Variants in DNAI4 observed in about 807,000 individuals in gnomAD.
DNAI4 encodes dynein axonemal intermediate chain 4.
Under a neutral mutation model 105.8 loss-of-function variants are expected in DNAI4, and 85 were observed. That is an observed-to-expected ratio of 0.80 (90% CI 0.67 to 0.96). The LOEUF is 0.96. Ranked by LOEUF, DNAI4 falls within the 40% of genes least tolerant of loss-of-function variation. The pLI is 0.00. For missense variants in DNAI4, 1,014 were observed against 1,005.6 expected, an observed-to-expected ratio of 1.01 and a Z score of -0.11; for synonymous variants, 352 against 331.5, an observed-to-expected ratio of 1.06 and a Z score of -0.67.
In DNAI4 at chr1:66,891,277, G is replaced by A. The variant is rs764653952; in HGVS notation, c.531-11C>T. On this transcript the variant is annotated splice_polypyrimidine_tract_variant and intron_variant, in intron 3 of 16. Coordinates refer to ENST00000371026, the MANE Select transcript of DNAI4 (RefSeq NM_024763.5). ...CTTCCTAAAACTGACCTTTAATAAT[G>A]AATAACAAAATTACTCATTTATTTA... The A allele has an allele frequency of 3.8e-6, 6 of 1,583,150 alleles. No homozygotes were observed. In the Admixed American group the frequency reaches 6.7e-5, roughly 18 times the overall value.
At chr1:66,894,795 G>T (rs555236323) in intron 2 of DNAI4, among the ~76,000 whole-genome samples, 30 of 152,144 alleles carry the variant, frequency 2.0e-4, no homozygotes, top group African/African-American at 6.3e-4. Flanking sequence ...TCTCTAATTT[G>T]CTAATATTAT....
At chr1:66,875,143 C>A (rs1306407617) in intron 4 of DNAI4, among the ~76,000 whole-genome samples, 2 of 152,132 alleles carry the variant, frequency 1.3e-5, no homozygotes, top group Admixed American at 1.3e-4. Flanking sequence ...TTCTTGCTGA[C>A]ATAACAAGCC....
chr1:66,821,475 C>T (rs1256950922), intron 16 of DNAI4, among the ~76,000 whole-genome samples: 1 of 152,166 alleles, frequency 6.6e-6, no homozygotes, highest in Non-Finnish European at 1.5e-5. Context: ...TCTATTCCAA[C>T]CACCAGTATG....
chr1:66,848,259 A>G (rs1418616254), intron 7 of DNAI4: 12 of 456,010 alleles, frequency 2.6e-5, no homozygotes, highest in South Asian at 6.2e-5. Context: ...AGCAACATTG[A>G]TTGCATTCCC....
chr1:66,862,418 C>G (rs1646647222), intron 6 of DNAI4, 116 bp from the exon 7 acceptor site: 2 of 1,132,320 alleles, frequency 1.8e-6, no homozygotes, highest in South Asian at 3.1e-5. Flanking sequence ...TTGCCTGATG[C>G]AGTTGCCCGT....
At chr1:66,842,553 G>T (rs1015548808) in intron 8 of DNAI4, among the ~76,000 whole-genome samples, 2 of 151,928 alleles carry the variant, frequency 1.3e-5, no homozygotes, top group Admixed American at 1.3e-4. Flanking sequence ...ACCATACTCG[G>T]CTAAATTTTT....
intron 16 of DNAI4, among the ~76,000 whole-genome samples, chr1:66,821,332 C>T (rs894378042): frequency 2.0e-5 from 3 of 152,042 alleles, no homozygotes; most frequent in Non-Finnish European, 4.4e-5. Context: ...CTCCTGACCT[C>T]AAGTGATGCA....
At chr1:66,814,646 G>A (rs1645479961) in intron 16 of DNAI4, among the ~76,000 whole-genome samples, 1 of 152,202 alleles carries the variant, frequency 6.6e-6, no homozygotes, top group Non-Finnish European at 1.5e-5. Flanking sequence ...GGGATTACAT[G>A]CGTGAGCCAC....
At chr1:66,835,550 CAAAACTA>C in intron 11 of DNAI4, 69 bp downstream of exon 11, 1 of 1,460,484 alleles carries the variant, frequency 6.8e-7, no homozygotes, top group Non-Finnish European at 9.4e-7. Context: ...AATATTTACT[CAAAACTA>C]AATAACATTA....
rs557259654 is a variant in DNAI4 at position 66,833,857 on chromosome 1, G to A, written c.1891+134C>T. The A allele has an allele frequency of 3.3e-5, 46 of 1,380,948 alleles. No homozygotes were observed. The South Asian group carries it at 6.3e-4, about 19-fold the overall frequency. 85.5% of individuals were successfully genotyped at this position (1,380,948 alleles called of 1,614,324 possible). ...AAATTAGCACACACCAGAACTAGCTGCTTAGAAAAACCATGACCAACCCAA... is the reference window on the plus strand; with the variant it reads ...AAATTAGCACACACCAGAACTAGCTACTTAGAAAAACCATGACCAACCCAA... On this transcript the variant is annotated intron_variant, in intron 12 of 16. Transcript: ENST00000371026.
At chr1:66,884,670 G>A (rs1569759017) in intron 4 of DNAI4, among the ~76,000 whole-genome samples, 2 of 151,186 alleles carry the variant, frequency 1.3e-5, no homozygotes, top group South Asian at 4.4e-4. Flanking sequence ...AAGGATATTG[G>A]CCCATGATTT....
intron 1 of DNAI4, chr1:66,919,160 CAT>C (rs1342083508): frequency 2.3e-6 from 1 of 428,642 alleles, no homozygotes; most frequent in African/African-American, 2.0e-5. Flanking sequence ...ACCTTAGGCA[CAT>C]GTTGCCAGTA....
chr1:66,903,953 T>C, intron 2 of DNAI4, among the ~76,000 whole-genome samples: 1 of 151,784 alleles, frequency 6.6e-6, no homozygotes, highest in Middle Eastern at 3.4e-3. Context: ...ACATATATAA[T>C]AAATATTTTC....
At chr1:66,871,303 C>A (rs758265446) in intron 6 of DNAI4, 67 bp downstream of exon 6, 6 of 1,402,580 alleles carry the variant, frequency 4.3e-6, no homozygotes, top group South Asian at 1.5e-5. Context: ...ATTCACTTGT[C>A]GATTGACAGA....
chr1:66,912,182 A>G (rs1649705813), intron 1 of DNAI4, among the ~76,000 whole-genome samples: 1 of 152,196 alleles, frequency 6.6e-6, no homozygotes, highest in South Asian at 2.1e-4. Context: ...AAGGCTTATC[A>G]GAAACTCAAA....
chr1:66,889,036 C>T (rs1216807839), intron 4 of DNAI4, among the ~76,000 whole-genome samples: 3 of 152,224 alleles, frequency 2.0e-5, no homozygotes, highest in East Asian at 3.9e-4. Context: ...GACAATAATC[C>T]AGTTTTCCCT....
intron 2 of DNAI4, among the ~76,000 whole-genome samples, chr1:66,898,931 T>C (rs921005752): frequency 1.3e-5 from 2 of 152,194 alleles, no homozygotes; most frequent in African/African-American, 4.8e-5. Flanking sequence ...GATTCATGCA[T>C]CAGTGCTTCA....
chr1:66,845,190 C>CAAAAAA (rs59265844), intron 8 of DNAI4, among the ~76,000 whole-genome samples: 8 of 106,306 alleles, frequency 7.5e-5, no homozygotes, highest in Non-Finnish European at 1.1e-4. Context: ...AACTCCATCT[C>CAAAAAA]AAAAAAAAAA....
At chr1:66,845,884 TTAC>T (rs1322080188) in intron 8 of DNAI4, among the ~76,000 whole-genome samples, 1 of 151,756 alleles carries the variant, frequency 6.6e-6, no homozygotes, top group Non-Finnish European at 1.5e-5. Context: ...GGGTTAAGGT[TTAC>T]TTGGAAAACA....
Sources: allele counts gnomAD v4.1 joint callset (sites outside exome capture counted in the v4.1 genomes callset), GRCh38; gene constraint gnomAD v4.1.1; transcripts MANE v1.5; gene names NCBI Gene and HGNC (gene_info 2026-07-23, HGNC 2026-07-21).